MAP3K3: variants seen among roughly 807,000 people sequenced by gnomAD.
The protein encoded by MAP3K3 is MAP/ERK kinase kinase 3.
A neutral mutation model predicts 80.9 loss-of-function variants in MAP3K3; 12 were observed. That is an observed-to-expected ratio of 0.15 (90% CI 0.10 to 0.24). The LOEUF is 0.24. MAP3K3 is among the 10% of genes least tolerant of loss of function. MAP3K3 has a pLI of 1.00. For synonymous variants in MAP3K3, 272 were observed against 307.1 expected, an observed-to-expected ratio of 0.89 and a Z score of 1.19; for missense variants, 596 against 834.7, an observed-to-expected ratio of 0.71 and a Z score of 3.52.
At position 63,689,211 on chromosome 17, in the gene MAP3K3, A is replaced by AG. The variant is rs1183316808; in HGVS notation, c.871+331dup. The AG allele has an allele frequency of 1.9e-6, 1 of 530,936 alleles. No individual in the cohort carries two copies. Among genetic ancestry groups the AG allele is most frequent in the African/African-American group, 1.9e-5 (1 of 52,548 alleles). 32.9% of individuals were successfully genotyped at this position (530,936 alleles called of 1,614,324 possible). ...GTAAGGAGTAGGATACAAGGAAATCAGTGCCTTCGGGTGTGGCTTGGCCTT... is the reference window on the plus strand; with the variant it reads ...GTAAGGAGTAGGATACAAGGAAATCAGGTGCCTTCGGGTGTGGCTTGGCCTT... On this transcript the variant is annotated intron_variant, in intron 10 of 15. Coordinates refer to ENST00000361733, the MANE Select transcript of MAP3K3 (RefSeq NM_002401.5). This position sits in a 1 kb window ranked among gnomAD's most constrained non-coding sequence, Gnocchi z 4.3.
intron 8 of MAP3K3, among the ~76,000 whole-genome samples, chr17:63,686,611 C>T (rs1466603105): frequency 6.6e-6 from 1 of 152,174 alleles, no homozygotes; most frequent in African/African-American, 2.4e-5. Context: ...AGGGGGCAGC[C>T]CCCTTGTGCC....
chr17:63,623,887 C>G (rs969592716), intron 1 of MAP3K3, among the ~76,000 whole-genome samples: 1 of 152,208 alleles, frequency 6.6e-6, no homozygotes. Flanking sequence ...TTGCCTTGCC[C>G]TATAGCAAGG....
At chr17:63,667,260 TA>T (rs1297166480) in intron 6 of MAP3K3, among the ~76,000 whole-genome samples, 200 bp downstream of exon 6, 1 of 152,158 alleles carries the variant, frequency 6.6e-6, no homozygotes, top group African/African-American at 2.4e-5. Flanking sequence ...TCAAGGAACT[TA>T]AAATATAATG....
chr17:63,644,833 A>T (rs2034510012), intron 2 of MAP3K3, among the ~76,000 whole-genome samples: 1 of 152,086 alleles, frequency 6.6e-6, no homozygotes, highest in Non-Finnish European at 1.5e-5. Flanking sequence ...CAGCCTATTA[A>T]TTTGTCTTCT....
At chr17:63,639,384 A>AG (rs1036926551) in intron 2 of MAP3K3, among the ~76,000 whole-genome samples, 2 of 152,334 alleles carry the variant, frequency 1.3e-5, no homozygotes, top group Admixed American at 6.5e-5. Context: ...CTGGCTTTAA[A>AG]GGGGGGTCCC....
At chr17:63,652,484 C>A in intron 3 of MAP3K3, 73 bp from the exon 4 acceptor site, 1 of 961,856 alleles carries the variant, frequency 1.0e-6, no homozygotes, top group South Asian at 1.4e-5. Flanking sequence ...GAAGAATATA[C>A]TCAGACCATT....
rs2035650650 is a variant in MAP3K3 at position 63,694,309 on chromosome 17, C to G, written c.*532C>G. 1 of 152,914 alleles carries G rather than the reference C, an allele frequency of 6.5e-6. No individual in the cohort carries two copies. The highest frequency in any genetic ancestry group is 2.4e-5 in the African/African-American group (1 of 41,466). The allele number at this position is 152,914 out of a possible 1,614,324, so 9.5% of individuals were successfully genotyped here. A position where few individuals can be genotyped will look rare whatever the true frequency, so the allele number is the denominator to read the frequency against. On this transcript the variant is annotated 3_prime_UTR_variant, in exon 16 of 16. Transcript: ENST00000361733. ...CCCAGGCTGCCGTCCCCTAGAGTCC[C>G]AGGTTGGCTCTGCCAGTCCTGTCCT...
At chr17:63,649,608 A>G (rs1284041856) in intron 3 of MAP3K3, among the ~76,000 whole-genome samples, 1 of 152,086 alleles carries the variant, frequency 6.6e-6, no homozygotes, top group Non-Finnish European at 1.5e-5. Flanking sequence ...AGGGTTTGCC[A>G]TTTTGCCCAG....
rs2035528297 is a variant in MAP3K3 at position 63,689,195 on chromosome 17, A to T, written c.871+314A>T. 16 of 538,226 alleles carry T rather than the reference A, an allele frequency of 3.0e-5. 1 individual carries two copies. The highest frequency in any genetic ancestry group is 5.3e-5 in the Non-Finnish European group (16 of 301,836). 33.3% of individuals were successfully genotyped at this position (538,226 alleles called of 1,614,324 possible). ...TGGGCCCTGTAGAGGGGTAAGGAGT[A>T]GGATACAAGGAAATCAGTGCCTTCG... On this transcript the variant is annotated intron_variant, in intron 10 of 15. Coordinates refer to ENST00000361733, the MANE Select transcript of MAP3K3 (RefSeq NM_002401.5). The surrounding 1 kb of genome is among the most constrained non-coding windows in gnomAD (Gnocchi z 4.3).
At chr17:63,663,575 C>T (rs1021141196) in intron 5 of MAP3K3, among the ~76,000 whole-genome samples, 1 of 151,840 alleles carries the variant, frequency 6.6e-6, no homozygotes, top group Non-Finnish European at 1.5e-5. Context: ...GTCTTTAAAG[C>T]GTTTAAGAGC....
At chr17:63,640,426 T>C (rs966739051) in intron 2 of MAP3K3, among the ~76,000 whole-genome samples, 3 of 152,186 alleles carry the variant, frequency 2.0e-5, no homozygotes, top group African/African-American at 2.4e-5. Flanking sequence ...TGTGTGTACG[T>C]TGATTTTTGC....
chr17:63,682,366 C>T (rs1243764073), intron 7 of MAP3K3: 2 of 152,454 alleles, frequency 1.3e-5, no homozygotes, highest in Non-Finnish European at 2.9e-5. Context: ...TGATGGTAGA[C>T]AGTTGTATTA....
intron 1 of MAP3K3, among the ~76,000 whole-genome samples, chr17:63,630,759 T>TG (rs954692397): frequency 3.9e-5 from 6 of 152,368 alleles, no homozygotes; most frequent in African/African-American, 1.4e-4. Flanking sequence ...TCCCCTTTAC[T>TG]GCATGCTTTC....
Position 63,695,249 on chromosome 17 carries a change from T to C in MAP3K3, c.*1472T>C, listed in dbSNP as rs899070688. 1.3e-5 allele frequency: 2 copies of C among 152,664 alleles called. No homozygotes were observed. Among genetic ancestry groups the C allele is most frequent in the African/African-American group, 4.8e-5 (2 of 41,460 alleles). The allele number at this position is 152,664 out of a possible 1,614,324, so 9.5% of individuals were successfully genotyped here. Reference sequence around the variant, plus strand: ...ACGATGCACTTTTATGAATGTAGTTTCTATCGCTGTTTTTAGCCTTTTCAC... The same window carrying C: ...ACGATGCACTTTTATGAATGTAGTTCCTATCGCTGTTTTTAGCCTTTTCAC... On this transcript the variant is annotated 3_prime_UTR_variant, in exon 16 of 16. Coordinates refer to ENST00000361733, the MANE Select transcript of MAP3K3 (RefSeq NM_002401.5). The surrounding 1 kb of genome is among the most constrained non-coding windows in gnomAD (Gnocchi z 4.1).
At chr17:63,673,255 ATCTT>A (rs1309980658) in intron 6 of MAP3K3, among the ~76,000 whole-genome samples, 13 of 152,166 alleles carry the variant, frequency 8.5e-5, no homozygotes, top group African/African-American at 3.1e-4. Context: ...CACAGATAAA[ATCTT>A]TCATATGACA....
intron 2 of MAP3K3, 84 bp from the exon 3 acceptor site, chr17:63,645,950 C>T (rs2034532588): frequency 6.5e-6 from 7 of 1,078,216 alleles, no homozygotes; most frequent in South Asian, 3.8e-5. Flanking sequence ...ATGTTGCTAA[C>T]GAACTGCCCA....
chr17:63,654,080 G>A (rs2034714832), intron 4 of MAP3K3, among the ~76,000 whole-genome samples: 2 of 152,092 alleles, frequency 1.3e-5, no homozygotes, highest in Non-Finnish European at 2.9e-5. Flanking sequence ...TGTTGCCCAG[G>A]CTGGTCTCAA....
chr17:63,654,865 G>A (rs1367969833), intron 4 of MAP3K3, among the ~76,000 whole-genome samples: 4 of 151,974 alleles, frequency 2.6e-5, no homozygotes, highest in East Asian at 1.9e-4. Context: ...GTGAAACGCC[G>A]TCTCTGCTGC....
At chr17:63,650,343 C>T (rs912843889) in intron 3 of MAP3K3, among the ~76,000 whole-genome samples, 6 of 151,982 alleles carry the variant, frequency 3.9e-5, no homozygotes, top group African/African-American at 1.2e-4. Flanking sequence ...GCTCTGTTGC[C>T]CAGGCTGGAG....
Sources: gnomAD v4.1 joint callset for allele counts (sites outside exome capture counted in the v4.1 genomes callset) on GRCh38, gnomAD v4.1.1 for gene constraint, Gnocchi (gnomAD v3.1) non-coding constraint, MANE v1.5 for transcripts, NCBI Gene and HGNC (gene_info 2026-07-23, HGNC 2026-07-21) for gene names.